Variants in THADA observed in about 807,000 individuals in gnomAD.
THADA encodes tRNA (32-2'-O)-methyltransferase regulator THADA.
THADA carries 213 observed loss-of-function variants against 219.8 expected under a neutral mutation model. The observed-to-expected ratio is 0.97, with a 90% confidence interval of 0.87 to 1.09. THADA has a LOEUF of 1.09. Ranked by LOEUF, THADA falls within the 50% of genes least tolerant of loss-of-function variation. THADA has a pLI of 0.00. For missense variants in THADA, 2,956 were observed against 2,311.3 expected (o/e 1.28, Z -5.72); for synonymous variants, 1,018 against 828.9 (o/e 1.23, Z -3.92).
chr2:43,356,501 G>A (rs1313454496), intron 29 of THADA, among the ~76,000 whole-genome samples: 2 of 152,096 alleles, frequency 1.3e-5, no homozygotes, highest in Admixed American at 6.5e-5. Flanking sequence ...AAAGTAAAGG[G>A]AAACCAGGGG....
chr2:43,320,826 C>G (rs1253760132), intron 30 of THADA, among the ~76,000 whole-genome samples: 1 of 152,170 alleles, frequency 6.6e-6, no homozygotes, highest in Non-Finnish European at 1.5e-5. Flanking sequence ...ACACCAAGAT[C>G]CTATCTTAGT....
At chr2:43,318,202 G>C (rs1347641903) in intron 31 of THADA, among the ~76,000 whole-genome samples, 1 of 151,746 alleles carries the variant, frequency 6.6e-6, no homozygotes, top group Non-Finnish European at 1.5e-5. Flanking sequence ...ACCACATGTG[G>C]CTAATTAAAT....
chr2:43,519,116 T>C (rs1217180470), intron 22 of THADA, among the ~76,000 whole-genome samples: 1 of 152,104 alleles, frequency 6.6e-6, no homozygotes, highest in African/African-American at 2.4e-5. Context: ...GATCTTTGTC[T>C]TGGTCTTTAA....
intron 29 of THADA, among the ~76,000 whole-genome samples, chr2:43,359,287 C>A (rs1020539010): frequency 1.3e-5 from 2 of 152,208 alleles, no homozygotes; most frequent in African/African-American, 4.8e-5. Flanking sequence ...AAGAGGGCAC[C>A]TTTGTTCAGA....
At chr2:43,349,676 C>T (rs1272042943) in intron 29 of THADA, among the ~76,000 whole-genome samples, 1 of 151,930 alleles carries the variant, frequency 6.6e-6, no homozygotes, top group Non-Finnish European at 1.5e-5. Context: ...GTTAGACAGG[C>T]TATGAAAAAA....
At chr2:43,411,174 G>A (rs1285008133) in intron 28 of THADA, among the ~76,000 whole-genome samples, 1 of 152,188 alleles carries the variant, frequency 6.6e-6, no homozygotes, top group Non-Finnish European at 1.5e-5. Flanking sequence ...CAGGCTCAGA[G>A]AAGTTAACTG....
Position 43,552,341 on chromosome 2 carries a change from T to C in THADA, c.2675-2A>G, listed in dbSNP as rs1178761915. On this transcript the variant is annotated splice_acceptor_variant, in intron 17 of 37. Coordinates refer to ENST00000405975, the MANE Select transcript of THADA (RefSeq NM_022065.5). LOFTEE classifies it high-confidence loss of function. ...GATTTTCCATCAAGCATTTGATAAC[T>C]AGAAAAAGCAAACAGAAAATCAAAG... 1 of 1,582,550 alleles carries C rather than the reference T, an allele frequency of 6.3e-7. No individual in the cohort carries two copies. Among genetic ancestry groups the C allele is most frequent in the Non-Finnish European group, 8.6e-7 (1 of 1,168,666 alleles).
At chr2:43,480,040 C>T (rs546960325) in intron 26 of THADA, among the ~76,000 whole-genome samples, 6 of 152,306 alleles carry the variant, frequency 3.9e-5, no homozygotes, top group Non-Finnish European at 4.4e-5. Context: ...AAATCTAAAG[C>T]CAACTCCAAA....
chr2:43,577,180 G>T lies in THADA; in HGVS notation c.879C>A (p.Ser293Arg). 1 of 1,607,514 alleles carries T rather than the reference G, an allele frequency of 6.2e-7. No individual in the cohort carries two copies. Among genetic ancestry groups the T allele is most frequent in the African/African-American group, 1.3e-5 (1 of 74,938 alleles). Residue 293 changes from serine (S) to arginine (R), a missense_variant, in exon 10 of 38, where the codon AGC becomes AGA. Ser to Arg is a moderately radical substitution (Grantham distance 110). Coordinates refer to ENST00000405975, the MANE Select transcript of THADA (RefSeq NM_022065.5). Reference protein sequence around the residue: ...CTSVPEWFMSSCRSLCCGDIS... With the variant: ...CTSVPEWFMSRCRSLCCGDIS... ...TGTCACCACAACAGAGGCTCCTGCA[G>T]CTGCTCATAAACCACTCGGGGACAC...
chr2:43,307,791 C>G (rs1677032479), intron 31 of THADA, among the ~76,000 whole-genome samples: 1 of 152,076 alleles, frequency 6.6e-6, no homozygotes. Context: ...TGTCTGGCAT[C>G]TAATAAAAAA....
At chr2:43,500,660 AAAC>A (rs1014788496) in intron 24 of THADA, among the ~76,000 whole-genome samples, 6 of 152,238 alleles carry the variant, frequency 3.9e-5, no homozygotes, top group African/African-American at 1.4e-4. Context: ...GATTGATCAG[AAAC>A]AACATAAGGA....
chr2:43,524,074 C>T (rs1044307631), intron 22 of THADA, among the ~76,000 whole-genome samples: 23 of 152,108 alleles, frequency 1.5e-4, no homozygotes, highest in Non-Finnish European at 2.4e-4. Flanking sequence ...CAAACTTAAC[C>T]ACTCCAATCA....
At chr2:43,428,632 G>C (rs767450471) in intron 27 of THADA, among the ~76,000 whole-genome samples, 1 of 151,976 alleles carries the variant, frequency 6.6e-6, no homozygotes, top group Admixed American at 6.5e-5. Context: ...TATGAAGTGA[G>C]ACTCCACAAT....
intron 36 of THADA, among the ~76,000 whole-genome samples, chr2:43,238,020 G>A (rs1668228383): frequency 6.7e-6 from 1 of 149,142 alleles, no homozygotes; most frequent in African/African-American, 2.5e-5. Flanking sequence ...TTGGGAGGCT[G>A]AGGCAGGAGA....
At chr2:43,566,623 A>G (rs1206145352) in intron 15 of THADA, 75 bp downstream of exon 15, 1 of 1,525,618 alleles carries the variant, frequency 6.6e-7, no homozygotes, top group East Asian at 2.3e-5. Context: ...GAAACTTCAA[A>G]TAAAGCAAAA....
intron 36 of THADA, among the ~76,000 whole-genome samples, chr2:43,243,257 C>T (rs1032722813): frequency 6.6e-6 from 1 of 152,152 alleles, no homozygotes; most frequent in African/African-American, 2.4e-5. Context: ...TGGTTCTCAG[C>T]CAGAGGGCAC....
At chr2:43,279,564 T>C (rs1673102476) in intron 36 of THADA, among the ~76,000 whole-genome samples, 1 of 152,246 alleles carries the variant, frequency 6.6e-6, no homozygotes, top group African/African-American at 2.4e-5. Flanking sequence ...AGCTGCCTAT[T>C]TTTGTAAGCA....
intron 26 of THADA, among the ~76,000 whole-genome samples, chr2:43,479,974 G>T (rs1482921080): frequency 6.6e-6 from 1 of 152,158 alleles, no homozygotes; most frequent in Admixed American, 6.5e-5. Flanking sequence ...GAGATTATTG[G>T]TCAACATTCA....
chr2:43,413,245 C>T (rs1222040727), intron 28 of THADA, among the ~76,000 whole-genome samples: 1 of 151,988 alleles, frequency 6.6e-6, no homozygotes, highest in Non-Finnish European at 1.5e-5. Context: ...AGCTATGTTA[C>T]CAGGTAACAT....
Sources: allele counts gnomAD v4.1 joint callset (sites outside exome capture counted in the v4.1 genomes callset), GRCh38; gene constraint gnomAD v4.1.1; transcripts MANE v1.5; gene names NCBI Gene and HGNC (gene_info 2026-07-23, HGNC 2026-07-21).